GOLGA4: variants seen among roughly 807,000 people sequenced by gnomAD.
GOLGA4 encodes the protein golgin A4, also known as golgin subfamily A member 4.
Under a neutral mutation model 265.9 loss-of-function variants are expected in GOLGA4, and 169 were observed. The ratio of observed to expected loss-of-function variants is 0.64; its 90% confidence interval spans 0.56 to 0.72. The LOEUF is 0.72. Ranked by LOEUF, GOLGA4 falls within the 30% of genes least tolerant of loss-of-function variation. The pLI is 0.00. For synonymous variants in GOLGA4, 923 were observed against 855.8 expected (o/e 1.08, Z -1.37); for missense variants, 2,482 against 2,483.4 (o/e 1.00, Z 0.01).
intron 20 of GOLGA4, among the ~76,000 whole-genome samples, chr3:37,344,703 C>CT (rs2151031969): frequency 6.6e-6 from 1 of 152,126 alleles, no homozygotes; most frequent in Non-Finnish European, 1.5e-5. Flanking sequence ...CCCACTTTTT[C>CT]TTTAAGAATT....
chr3:37,260,433 C>T (rs1239670520), intron 2 of GOLGA4, among the ~76,000 whole-genome samples: 1 of 151,808 alleles, frequency 6.6e-6, no homozygotes, highest in Non-Finnish European at 1.5e-5. Flanking sequence ...ACCAGCCTGG[C>T]CAACATGGTG....
In GOLGA4 at chr3:37,282,034, T is replaced by G; in HGVS notation, c.239T>G (p.Ile80Arg). 6.2e-7 allele frequency: 1 copy of G among 1,614,036 alleles called. No individual in the cohort carries two copies. Among genetic ancestry groups the G allele is most frequent in the Non-Finnish European group, 8.5e-7 (1 of 1,179,894 alleles). Reference protein sequence around the residue: ...PSVESLFRSPIKESLFRSSSK... With the variant: ...PSVESLFRSPRKESLFRSSSK... The stretch of plus-strand genomic sequence containing the variant: ...GTGGAGTCTTTGTTTCGAAGTCCGA[T>G]AAAGGAATCTCTATTCCGGTCTTCT... The change falls in exon 3 of 24, where the codon ATA (isoleucine) becomes AGA (arginine). Residue 80 changes from isoleucine (I) to arginine (R), a missense_variant. Ile to Arg is a moderately conservative substitution (Grantham distance 97, BLOSUM62 -3). This residue lies in a region of GOLGA4 where 1,536 missense variants were observed against 1,483.7 expected (regional missense o/e 1.04). Transcript: ENST00000361924.
rs1578862539 is a variant in GOLGA4 at position 37,355,184 on chromosome 3, G to A, written c.6660G>A (p.Leu2220=). The change falls in exon 22 of 24, where the codon CTG becomes CTA. Residue 2220 remains leucine, a synonymous_variant. Transcript: ENST00000361924. ...QKILEREDAR[L]MFTSPRSGIF is the part of the protein sequence containing the mutation. ...TTTTGGAAAGAGAAGATGCTCGGCT[G>A]ATGGTAAGTTCTGGAAGTGGGCTCT... 6.4e-7 allele frequency: 1 copy of A among 1,554,088 alleles called. No homozygotes were observed. The highest frequency in any genetic ancestry group is 1.1e-5 in the South Asian group (1 of 89,808).
intron 2 of GOLGA4, among the ~76,000 whole-genome samples, chr3:37,258,531 T>A (rs1400628775): frequency 6.8e-6 from 1 of 147,948 alleles, no homozygotes; most frequent in Non-Finnish European, 1.5e-5. Flanking sequence ...TTTCACCATG[T>A]TGGCCACGCT....
rs73825074 is a variant in GOLGA4 at position 37,320,533 on chromosome 3, G to A, written c.1546-1198G>A. The stretch of plus-strand genomic sequence containing the variant: ...ATTTACAGTATGATTGGGTGTCTGT[G>A]GTCATGAAATTTACACATATATGGG... On this transcript the variant is annotated intron_variant, in intron 12 of 23. Coordinates refer to ENST00000361924, the MANE Select transcript of GOLGA4 (RefSeq NM_002078.5). Among the ~76,000 whole-genome samples the A allele has an allele frequency of 7.1e-3, 1,084 of 152,072 alleles. 15 individuals are homozygous for A. The highest frequency in any genetic ancestry group is 0.025 in the African/African-American group (1,017 of 41,470).
rs1477130178 is a variant in GOLGA4, at chr3:37,250,765, C to T, written c.73-630C>T. ...CCAGACCTCTAGTTTAAATTTTGAG[C>T]CCTTTCTCCTGAGTTTTTTTGCGCT... On this transcript the variant is annotated intron_variant, in intron 1 of 23. Transcript: ENST00000361924. 7.9e-5 allele frequency among the ~76,000 whole-genome samples: 12 copies of T among 152,076 alleles called. No individual in the cohort carries two copies. The East Asian group carries it at 2.3e-3, about 29-fold the overall frequency.
intron 19 of GOLGA4, among the ~76,000 whole-genome samples, chr3:37,339,339 T>C (rs934048432): frequency 1.3e-5 from 2 of 152,226 alleles, no homozygotes; most frequent in African/African-American, 4.8e-5. Flanking sequence ...TTGCCTATAG[T>C]GAACAGTGCT....
intron 20 of GOLGA4, among the ~76,000 whole-genome samples, chr3:37,340,982 A>G (rs754291019): frequency 6.6e-6 from 1 of 152,184 alleles, no homozygotes; most frequent in Non-Finnish European, 1.5e-5. Context: ...CCTGGCCAAC[A>G]TGGTGAAACC....
chr3:37,362,240 A>ATTTT (rs773620319), intron 23 of GOLGA4, among the ~76,000 whole-genome samples: 1 of 93,978 alleles, frequency 1.1e-5, no homozygotes, highest in Non-Finnish European at 2.3e-5. Flanking sequence ...TTTATTTATT[A>ATTTT]TTTTTTTTTT....
At chr3:37,302,112 A>G (rs2096894590) in intron 9 of GOLGA4, 73 bp from the exon 10 acceptor site, 9 of 1,346,348 alleles carry the variant, frequency 6.7e-6, no homozygotes, top group East Asian at 4.8e-5. Context: ...TGCCTTTTAA[A>G]TTAAGTTTTA....
chr3:37,254,247 A>G (rs1044876557), intron 2 of GOLGA4, among the ~76,000 whole-genome samples: 1 of 152,180 alleles, frequency 6.6e-6, no homozygotes, highest in African/African-American at 2.4e-5. Context: ...GTAAAGTTAA[A>G]GAAATGCAAT....
At chr3:37,362,553 A>T (rs115920807) in intron 23 of GOLGA4, among the ~76,000 whole-genome samples, 7,674 of 150,534 alleles carry the variant, frequency 0.051, 249 homozygotes, top group African/African-American at 0.082. Flanking sequence ...ATTTTTTTTT[A>T]AAAAATAAGT....
intron 4 of GOLGA4, among the ~76,000 whole-genome samples, chr3:37,288,666 G>T (rs969732521): frequency 1.3e-5 from 2 of 151,248 alleles, no homozygotes; most frequent in African/African-American, 4.9e-5. Flanking sequence ...TTTTAGTAGA[G>T]AAGGGGTTTC....
intron 15 of GOLGA4, among the ~76,000 whole-genome samples, 183 bp downstream of exon 15, chr3:37,328,720 G>T (rs1254149506): frequency 1.3e-5 from 2 of 152,118 alleles, no homozygotes; most frequent in Non-Finnish European, 2.9e-5. Flanking sequence ...TAAGGAGAGA[G>T]GGAGCAGGTA....
chr3:37,250,421 G>A (rs911857552), intron 1 of GOLGA4: 5 of 152,256 alleles, frequency 3.3e-5, no homozygotes, highest in Admixed American at 2.6e-4. Context: ...CTGTCTGGAT[G>A]TATATATGTG....
chr3:37,299,083 G>A (rs1384349930), intron 8 of GOLGA4, 63 bp downstream of exon 8: 2 of 1,361,184 alleles, frequency 1.5e-6, no homozygotes, highest in East Asian at 4.6e-5. Context: ...AGGCTCCACA[G>A]CATGGCTTGT....
intron 16 of GOLGA4, among the ~76,000 whole-genome samples, chr3:37,332,532 A>T (rs1456277262): frequency 6.6e-6 from 1 of 152,164 alleles, no homozygotes; most frequent in Non-Finnish European, 1.5e-5. Context: ...AAAAAAATTA[A>T]ATAAAATTTT....
chr3:37,289,354 G>GT (rs2096858942), intron 5 of GOLGA4, 63 bp downstream of exon 5: 2 of 1,030,256 alleles, frequency 1.9e-6, no homozygotes, highest in African/African-American at 3.2e-5. Flanking sequence ...CAGAACTGTT[G>GT]TATGTGCTAG....
intron 10 of GOLGA4, among the ~76,000 whole-genome samples, chr3:37,306,859 A>G (rs979841899): frequency 6.6e-6 from 1 of 152,012 alleles, no homozygotes; most frequent in Non-Finnish European, 1.5e-5. Flanking sequence ...TATTTTTGTT[A>G]TACTATTGTG....
Sources: gnomAD v4.1 joint callset for allele counts (sites outside exome capture counted in the v4.1 genomes callset) on GRCh38, gnomAD v4.1.1 for gene constraint, gnomAD v4.1.1 regional missense constraint, MANE v1.5 for transcripts, NCBI Gene and HGNC (gene_info 2026-07-23, HGNC 2026-07-21) for gene names.